R3HDM1: variants seen among roughly 807,000 people sequenced by gnomAD.
R3HDM1 encodes R3H domain-containing protein 1.
Under a neutral mutation model 141.1 loss-of-function variants are expected in R3HDM1, and 46 were observed. The ratio of observed to expected loss-of-function variants is 0.33; its 90% CI spans 0.26 to 0.42. R3HDM1 has a LOEUF of 0.42. Ranked by LOEUF, R3HDM1 falls within the 10% of genes least tolerant of loss-of-function variation. R3HDM1 has a pLI of 1.00. For missense variants in R3HDM1, 1,184 were observed against 1,368.3 expected (o/e 0.87, Z 2.12); for synonymous variants, 435 against 472.9 (o/e 0.92, Z 1.04).
chr2:135,600,439 AT>A (rs2059536220), intron 1 of R3HDM1, among the ~76,000 whole-genome samples: 1 of 152,092 alleles, frequency 6.6e-6, no homozygotes, highest in Non-Finnish European at 1.5e-5. Flanking sequence ...GACAGCTAAC[AT>A]TTTTGGAGGG....
intron 21 of R3HDM1, among the ~76,000 whole-genome samples, chr2:135,698,980 CA>C (rs1217056404): frequency 1.3e-5 from 1 of 78,130 alleles, no homozygotes; most frequent in Non-Finnish European, 2.6e-5. Flanking sequence ...ATATTACACT[CA>C]GATAGATAGA....
intron 24 of R3HDM1, among the ~76,000 whole-genome samples, chr2:135,716,175 CTG>C (rs1160418579): frequency 1.3e-5 from 2 of 152,194 alleles, no homozygotes; most frequent in East Asian, 1.9e-4. Context: ...TGGCACATGA[CTG>C]TAGTCACAGC....
rs1036767352 is a variant in R3HDM1 at position 135,537,277 on chromosome 2, C to CTT, written c.-250+5669_-250+5670dup. ...ATAGCTAAAGTGAGCATTAGTCTGT[C>CTT]TTTTTTTTTTTTTTTTTTTTTTTTT... On this transcript the variant is annotated intron_variant, in intron 1 of 26. Transcript: ENST00000683871. Among the ~76,000 whole-genome samples, 223 of 84,454 alleles carry CTT rather than the reference C, an allele frequency of 2.6e-3. 22 individuals carry two copies. Among genetic ancestry groups the CTT allele is most frequent in the African/African-American group, 6.0e-3 (111 of 18,398 alleles). 55.4% of individuals were successfully genotyped at this position (84,454 alleles called of 152,430 possible). A position where few individuals can be genotyped will look rare whatever the true frequency, so the allele number is the denominator to read the frequency against.
Position 135,531,554 on chromosome 2 carries a change from A to C in R3HDM1, c.-329A>C. ...GATGGGGTTAATTCCCTTTCGTAAGACTCTTACTTGCACCCACCCAGCCCC... is the reference window on the plus strand; with the variant it reads ...GATGGGGTTAATTCCCTTTCGTAAGCCTCTTACTTGCACCCACCCAGCCCC... On this transcript the variant is annotated 5_prime_UTR_variant, in exon 1 of 27. Transcript: ENST00000683871. The C allele has an allele frequency of 4.1e-6, 4 of 984,046 alleles. No homozygotes were observed. The highest frequency in any genetic ancestry group is 4.8e-6 in the Non-Finnish European group (4 of 829,486). 61.0% of individuals were successfully genotyped at this position (984,046 alleles called of 1,614,324 possible). A position where few individuals can be genotyped will look rare whatever the true frequency, so the allele number is the denominator to read the frequency against.
intron 1 of R3HDM1, chr2:135,566,663 AAC>A (rs1702851824): frequency 1.2e-6 from 1 of 815,684 alleles, no homozygotes; most frequent in Admixed American, 6.2e-5. Flanking sequence ...TGAAAATCCA[AAC>A]TATTAATTAG....
At chr2:135,568,963 T>C (rs1161691155) in intron 1 of R3HDM1, among the ~76,000 whole-genome samples, 1 of 142,072 alleles carries the variant, frequency 7.0e-6, no homozygotes, top group Non-Finnish European at 1.5e-5. Context: ...ATTCTCACTC[T>C]GTATACCCAG....
intron 20 of R3HDM1, among the ~76,000 whole-genome samples, chr2:135,678,359 T>G (rs896340521): frequency 3.3e-5 from 5 of 152,182 alleles, no homozygotes; most frequent in Admixed American, 1.3e-4. Context: ...ATTCTGACTT[T>G]CCTACTTACT....
chr2:135,596,187 A>G (rs530782192), intron 1 of R3HDM1, among the ~76,000 whole-genome samples: 229 of 152,058 alleles, frequency 1.5e-3, no homozygotes, highest in African/African-American at 5.0e-3. Flanking sequence ...TAGTAGAGAC[A>G]GGGTTTCACC....
At chr2:135,689,614 T>C (rs957447853) in intron 21 of R3HDM1, among the ~76,000 whole-genome samples, 1 of 152,224 alleles carries the variant, frequency 6.6e-6, no homozygotes, top group Non-Finnish European at 1.5e-5. Context: ...ATTTGAATTA[T>C]TATGTCTACT....
At chr2:135,651,170 A>G (rs183471182) in intron 17 of R3HDM1, 53 of 985,260 alleles carry the variant, frequency 5.4e-5, no homozygotes, top group Non-Finnish European at 5.4e-5. Context: ...GAAGAATGGA[A>G]TGTATGGCCA....
At chr2:135,712,113 A>T (rs1050434428) in intron 23 of R3HDM1, among the ~76,000 whole-genome samples, 1 of 152,212 alleles carries the variant, frequency 6.6e-6, no homozygotes, top group Non-Finnish European at 1.5e-5. Context: ...GATGATGGGT[A>T]CATGGAATTT....
intron 1 of R3HDM1, among the ~76,000 whole-genome samples, chr2:135,601,149 GA>G (rs1289525825): frequency 6.6e-6 from 1 of 152,116 alleles, no homozygotes; most frequent in Non-Finnish European, 1.5e-5. Flanking sequence ...CTAAAATGGA[GA>G]AAAAATACTT....
chr2:135,588,983 AT>A (rs1708593012), intron 1 of R3HDM1, among the ~76,000 whole-genome samples: 2 of 152,242 alleles, frequency 1.3e-5, no homozygotes, highest in South Asian at 2.1e-4. Context: ...TACAGAGAGT[AT>A]TTTTTAATGT....
At position 135,564,429 on chromosome 2, in the gene R3HDM1, C is replaced by G. The variant is rs1702359079; in HGVS notation, c.-250+32796C>G. On this transcript the variant is annotated intron_variant, in intron 1 of 26. Transcript: ENST00000683871. ...CCGCCTCCCAGGTTCAAGCGATTCT[C>G]CTGCCTCAGCCTCCCAAGTATCTGG... Among the ~76,000 whole-genome samples the G allele has an allele frequency of 2.0e-5, 3 of 152,358 alleles. No individual in the cohort carries two copies. The East Asian group carries it at 5.8e-4, about 29-fold the overall frequency.
rs1020381334 is a variant in R3HDM1 at position 135,722,656 on chromosome 2, A to G, written c.3049+103A>G. 11 of 1,145,298 alleles carry G rather than the reference A, an allele frequency of 9.6e-6. No homozygotes were observed. In the African/African-American group the frequency reaches 1.7e-4, roughly 18 times the overall value. The allele number at this position is 1,145,298 out of a possible 1,614,324, so 70.9% of individuals were successfully genotyped here. A position where few individuals can be genotyped will look rare whatever the true frequency, so the allele number is the denominator to read the frequency against. ...GTTTTCCTCTTCCTAGAATCCTGCA[A>G]AAAGTCATAATTTTTGCCATCTCTG... On this transcript the variant is annotated intron_variant, in intron 26 of 26. Transcript: ENST00000683871.
At position 135,715,540 on chromosome 2, in the gene R3HDM1, G is replaced by C; in HGVS notation, c.2737-10G>C. 1 of 1,607,708 alleles carries C rather than the reference G, an allele frequency of 6.2e-7. No homozygotes were observed. The highest frequency in any genetic ancestry group is 8.5e-7 in the Non-Finnish European group (1 of 1,177,646). Reference sequence around the variant, plus strand: ...TGCTGACCCATTTTCTTGACGTATTGTAATTGCAGCACAGCCCTCAACTCA... The same window carrying C: ...TGCTGACCCATTTTCTTGACGTATTCTAATTGCAGCACAGCCCTCAACTCA... On this transcript the variant is annotated splice_polypyrimidine_tract_variant and intron_variant, in intron 23 of 26. Coordinates refer to ENST00000683871, the MANE Select transcript of R3HDM1 (RefSeq NM_001378107.1).
intron 19 of R3HDM1, among the ~76,000 whole-genome samples, chr2:135,668,604 G>A (rs1343153107): frequency 6.6e-6 from 1 of 152,170 alleles, no homozygotes; most frequent in African/African-American, 2.4e-5. Context: ...TTTAAACCTG[G>A]TGAATTTTCC....
chr2:135,619,864 T>C, intron 5 of R3HDM1: 1 of 268,056 alleles, frequency 3.7e-6, no homozygotes, highest in Non-Finnish European at 5.7e-6. Flanking sequence ...GTGACCTCAA[T>C]AACAGATGTT....
At chr2:135,719,524 G>T (rs1267833603) in intron 24 of R3HDM1, among the ~76,000 whole-genome samples, 2 of 151,898 alleles carry the variant, frequency 1.3e-5, no homozygotes, top group East Asian at 3.9e-4. Context: ...ATAAATGTTT[G>T]TATACTGAAA....
Sources: allele counts gnomAD v4.1 joint callset (sites outside exome capture counted in the v4.1 genomes callset), GRCh38; gene constraint gnomAD v4.1.1; transcripts MANE v1.5; gene names NCBI Gene and HGNC (gene_info 2026-07-23, HGNC 2026-07-21).